The following FSTL4 variants were observed in gnomAD, a reference collection of about 807,000 sequenced individuals.
The protein encoded by FSTL4 is follistatin like 4, also known as follistatin-related protein 4.
A neutral mutation model predicts 78.2 loss-of-function variants in FSTL4; 28 were observed. The observed-to-expected ratio is 0.36, with a 90% CI of 0.27 to 0.49. FSTL4 has a LOEUF of 0.49. Among genes scored for constraint, FSTL4 ranks in the 20% least tolerant of loss-of-function variants. The probability of loss-of-function intolerance (pLI) is 0.98; values close to 1 mark genes in which losing one functional copy is unlikely to be tolerated. For missense variants in FSTL4, 922 were observed against 1,084.9 expected (o/e 0.85, Z 2.11); for synonymous variants, 422 against 440.5 (o/e 0.96, Z 0.53).
chr5:133,598,661 C>T (rs367109), intron 2 of FSTL4, among the ~76,000 whole-genome samples: 1 of 152,046 alleles, frequency 6.6e-6, no homozygotes, highest in Non-Finnish European at 1.5e-5. Context: ...CAACCAGCAC[C>T]GCACCTGCAG....
chr5:133,384,661 G>T (rs970254564), intron 4 of FSTL4, among the ~76,000 whole-genome samples: 2 of 152,146 alleles, frequency 1.3e-5, no homozygotes, highest in African/African-American at 4.8e-5. Context: ...CTCCTGCTGG[G>T]CCCCTGCCTC....
intron 3 of FSTL4, among the ~76,000 whole-genome samples, chr5:133,523,108 T>C (rs1759017571): frequency 1.1e-4 from 17 of 152,048 alleles, no homozygotes; most frequent in Admixed American, 1.1e-3. Flanking sequence ...GGCTCAAATC[T>C]GATAGGACTG....
At chr5:133,762,252 A>T in the FSTL4 span, among the ~76,000 whole-genome samples, 1 of 152,092 alleles carries the variant, frequency 6.6e-6, no homozygotes, top group Non-Finnish European at 1.5e-5. Context: ...AGACCTGAGC[A>T]CCCCAACAAT....
At chr5:133,502,952 C>G (rs1450939359) in intron 3 of FSTL4, among the ~76,000 whole-genome samples, 1 of 152,140 alleles carries the variant, frequency 6.6e-6, no homozygotes, top group Non-Finnish European at 1.5e-5. Context: ...CTCATTAAGC[C>G]CTCATGAGGA....
At chr5:133,451,752 C>T (rs531074334) in intron 3 of FSTL4, among the ~76,000 whole-genome samples, 2 of 152,246 alleles carry the variant, frequency 1.3e-5, no homozygotes, top group South Asian at 4.1e-4. Flanking sequence ...GGGGGAGGGA[C>T]AGGAACTTCT....
intron 3 of FSTL4, among the ~76,000 whole-genome samples, chr5:133,454,645 G>A (rs1383183372): frequency 1.3e-5 from 2 of 152,214 alleles, no homozygotes; most frequent in Non-Finnish European, 2.9e-5. Flanking sequence ...ACATTTGAAG[G>A]GAATTCATGA....
the FSTL4 span, among the ~76,000 whole-genome samples, chr5:133,829,175 A>T: frequency 3.3e-5 from 5 of 152,192 alleles, no homozygotes; most frequent in Non-Finnish European, 7.3e-5. Flanking sequence ...GGATCACCTG[A>T]GGTCAGGAGT....
chr5:133,335,684 G>C (rs1039804227), intron 4 of FSTL4, among the ~76,000 whole-genome samples: 1 of 151,148 alleles, frequency 6.6e-6, no homozygotes, highest in Non-Finnish European at 1.5e-5. Context: ...CCTTTCTTGG[G>C]GGGGGTGGCA....
chr5:133,835,194 A>G, the FSTL4 span, among the ~76,000 whole-genome samples: 1 of 152,190 alleles, frequency 6.6e-6, no homozygotes, highest in Non-Finnish European at 1.5e-5. Context: ...GCTGCCTTGA[A>G]GAGGCAGGCG....
At chr5:133,515,952 A>G (rs971456741) in intron 3 of FSTL4, among the ~76,000 whole-genome samples, 5 of 152,210 alleles carry the variant, frequency 3.3e-5, no homozygotes, top group African/African-American at 1.2e-4. Context: ...AAATGTAAAA[A>G]CTAAAATCTA....
At chr5:133,698,222 A>AT in the FSTL4 span, among the ~76,000 whole-genome samples, 2 of 151,982 alleles carry the variant, frequency 1.3e-5, no homozygotes, top group African/African-American at 2.4e-5. Flanking sequence ...AGCAAGCAGC[A>AT]CCCCCAGAGA....
chr5:133,493,684 C>CCATGACATT (rs1758315210), intron 3 of FSTL4, among the ~76,000 whole-genome samples: 2 of 152,304 alleles, frequency 1.3e-5, no homozygotes, highest in African/African-American at 4.8e-5. Flanking sequence ...CCTCAGGGTG[C>CCATGACATT]CATGACATTG....
intron 3 of FSTL4, among the ~76,000 whole-genome samples, chr5:133,455,267 G>A (rs1170147113): frequency 2.0e-5 from 3 of 152,078 alleles, no homozygotes; most frequent in African/African-American, 7.2e-5. Flanking sequence ...TAGCCTTCCT[G>A]CTTTAGAAAA....
At chr5:133,708,855 T>C in the FSTL4 span, among the ~76,000 whole-genome samples, 1 of 152,124 alleles carries the variant, frequency 6.6e-6, no homozygotes, top group Non-Finnish European at 1.5e-5. Context: ...CTGGCCTTAA[T>C]TTACAGGGAA....
chr5:133,235,106 G>C (rs1199258223), intron 7 of FSTL4, among the ~76,000 whole-genome samples: 4 of 152,096 alleles, frequency 2.6e-5, no homozygotes, highest in African/African-American at 9.7e-5. Context: ...ACTCATGTGA[G>C]CTCCTGTTCC....
At chr5:133,637,230 C>T in the FSTL4 span, among the ~76,000 whole-genome samples, 1 of 152,046 alleles carries the variant, frequency 6.6e-6, no homozygotes, top group African/African-American at 2.4e-5. Context: ...CTGTCTTGTG[C>T]TTGCCCTTTC....
chr5:133,803,980 T>C, the FSTL4 span, among the ~76,000 whole-genome samples: 1 of 152,206 alleles, frequency 6.6e-6, no homozygotes, highest in Non-Finnish European at 1.5e-5. Context: ...CCAGGTTTCC[T>C]CTGCGAATCT....
chr5:133,234,544 G>A (rs546480909), intron 7 of FSTL4, among the ~76,000 whole-genome samples: 34 of 152,312 alleles, frequency 2.2e-4, no homozygotes, highest in African/African-American at 7.9e-4. Flanking sequence ...CCAGGAATTG[G>A]AATTACCCGT....
intron 3 of FSTL4, among the ~76,000 whole-genome samples, chr5:133,461,430 T>C (rs925372502): frequency 1.3e-5 from 2 of 152,228 alleles, no homozygotes; most frequent in African/African-American, 4.8e-5. Context: ...ATTTTTCTGT[T>C]CCATATCCTA....
Sources: gnomAD v4.1 joint callset for allele counts (sites outside exome capture counted in the v4.1 genomes callset) on GRCh38, gnomAD v4.1.1 for gene constraint, MANE v1.5 for transcripts, NCBI Gene and HGNC (gene_info 2026-07-23, HGNC 2026-07-21) for gene names.